The following MARK4 variants were observed in gnomAD, a reference collection of about 807,000 sequenced individuals.
MARK4 encodes the protein MAP/microtubule affinity-regulating kinase 4.
A neutral mutation model predicts 81.5 loss-of-function variants in MARK4; 19 were observed. The ratio of observed to expected loss-of-function variants is 0.23; its 90% CI spans 0.16 to 0.34. The LOEUF is 0.34. MARK4 is among the 10% of genes least tolerant of loss of function. MARK4 has a pLI of 1.00. For missense variants in MARK4, 772 were observed against 1,058.8 expected, an observed-to-expected ratio of 0.73 and a Z score of 3.76; for synonymous variants, 436 against 439.0, an observed-to-expected ratio of 0.99 and a Z score of 0.08.
intron 4 of MARK4, among the ~76,000 whole-genome samples, chr19:45,264,358 G>A (rs750362762): frequency 5.3e-5 from 8 of 151,964 alleles, no homozygotes; most frequent in Non-Finnish European, 1.0e-4. Context: ...AAAATTAGCC[G>A]GATATGGTGG....
chr19:45,255,897 G>C (rs78984627), intron 1 of MARK4, among the ~76,000 whole-genome samples: 13 of 152,102 alleles, frequency 8.5e-5, no homozygotes, highest in Non-Finnish European at 1.2e-4. Context: ...CTGAAAGGGA[G>C]ACAGTCCCTG....
At chr19:45,284,734 C>T (rs1404634936) in intron 12 of MARK4, among the ~76,000 whole-genome samples, 1 of 152,194 alleles carries the variant, frequency 6.6e-6, no homozygotes, top group African/African-American at 2.4e-5. Context: ...GGGTGGATCA[C>T]TTGAGCTCTC....
At chr19:45,294,307 G>A in intron 13 of MARK4, 42 bp from the exon 14 acceptor site, 1 of 1,579,496 alleles carries the variant, frequency 6.3e-7, no homozygotes, top group South Asian at 1.1e-5. Flanking sequence ...TCAGGGGCAT[G>A]TCTTCACCCC....
chr19:45,277,475 G>A (rs564363347), intron 8 of MARK4, among the ~76,000 whole-genome samples: 2 of 142,876 alleles, frequency 1.4e-5, no homozygotes, highest in African/African-American at 5.3e-5. Flanking sequence ...TGGTTGTTCA[G>A]GCTGGTCTTG....
At chr19:45,261,348 C>T (rs1599779664) in intron 2 of MARK4, among the ~76,000 whole-genome samples, 1 of 152,142 alleles carries the variant, frequency 6.6e-6, no homozygotes, top group African/African-American at 2.4e-5. Flanking sequence ...TTAAAGAAAG[C>T]TGTGTGATGA....
chr19:45,263,208 G>A (rs768732334), intron 3 of MARK4, 42 bp downstream of exon 3: 21 of 1,612,628 alleles, frequency 1.3e-5, no homozygotes, highest in South Asian at 4.4e-5. Context: ...CCAGGCTTCC[G>A]GCACAGCCGG....
In MARK4 at chr19:45,251,386, C is replaced by G. The variant is rs534322477; in HGVS notation, c.-203C>G. ...CCGCCCCCATGGCGCCCGGGGTCCC[C>G]GCTGCACGGGGCCACTAGGACCCTC... On this transcript the variant is annotated 5_prime_UTR_variant, in exon 1 of 17. Transcript: ENST00000262891. The G allele has an allele frequency of 8.6e-3, 2,479 of 287,932 alleles. 83 individuals are homozygous for G. The highest frequency in any genetic ancestry group is 0.053 in the African/African-American group (2,336 of 44,132). The allele number at this position is 287,932 out of a possible 1,614,324, so 17.8% of individuals were successfully genotyped here.
intron 12 of MARK4, among the ~76,000 whole-genome samples, chr19:45,281,878 C>A (rs1297450579): frequency 6.6e-6 from 1 of 152,078 alleles, no homozygotes; most frequent in African/African-American, 2.4e-5. Context: ...CTGATTATAC[C>A]CCACATTCTG....
intron 2 of MARK4, among the ~76,000 whole-genome samples, chr19:45,260,146 T>C (rs1369159596): frequency 6.6e-6 from 1 of 152,012 alleles, no homozygotes; most frequent in African/African-American, 2.4e-5. Context: ...TCCCAGCACT[T>C]TGGGAGGCCA....
At chr19:45,258,387 G>A (rs1270833384) in intron 1 of MARK4, among the ~76,000 whole-genome samples, 1 of 152,080 alleles carries the variant, frequency 6.6e-6, no homozygotes, top group African/African-American at 2.4e-5. Flanking sequence ...CCAAACTTGC[G>A]ATATCTCTGA....
chr19:45,295,736 G>A (rs749422645), intron 14 of MARK4, among the ~76,000 whole-genome samples: 3 of 152,066 alleles, frequency 2.0e-5, no homozygotes, highest in Non-Finnish European at 4.4e-5. Flanking sequence ...CTGGGATTGC[G>A]CCACTGTACT....
chr19:45,298,937 C>T (rs973181743), intron 15 of MARK4, among the ~76,000 whole-genome samples: 20 of 151,626 alleles, frequency 1.3e-4, no homozygotes, highest in Middle Eastern at 6.8e-3. Flanking sequence ...ATTGGCCGGG[C>T]GTGGTGACTG....
chr19:45,295,358 CAA>C (rs888838866), intron 14 of MARK4, among the ~76,000 whole-genome samples: 1 of 143,884 alleles, frequency 7.0e-6, no homozygotes, highest in South Asian at 2.2e-4. Flanking sequence ...GACTCCATCT[CAA>C]AAAAAAAAAG....
rs1970757388 is a variant in MARK4 at position 45,287,430 on chromosome 19, G to A, written c.1277-17G>A. ...TTCCGTGGTGATGCCAGCTCTAAAC[G>A]GTACCCCCTCCCCCAGGTGGCCCAT... On this transcript the variant is annotated splice_polypyrimidine_tract_variant and intron_variant, in intron 12 of 16. Transcript: ENST00000262891. 7.1e-6 allele frequency: 10 copies of A among 1,414,932 alleles called. No homozygotes were observed. Among genetic ancestry groups the A allele is most frequent in the South Asian group, 3.2e-5 (2 of 61,932 alleles). The allele number at this position is 1,414,932 out of a possible 1,614,324, so 87.6% of individuals were successfully genotyped here.
In MARK4 at chr19:45,297,819, G is replaced by T. The variant is rs1411050968; in HGVS notation, c.1742G>T (p.Gly581Val). Residue 581 changes from glycine (G) to valine (V), a missense_variant, in exon 15 of 17, where the codon GGT (glycine) becomes GTT (valine). Physicochemically the swap from Gly to Val is moderately radical, Grantham distance 109. Transcript: ENST00000262891. ...GGQVRDRRAG[G>V]GGGGGVQNGP... is the part of the protein sequence containing the mutation. ...CAGGTCCGGGACCGGCGGGCAGGGG[G>T]TGGGGGTGGTGGGGGTGTGCAGAAT... 4 of 1,540,092 alleles carry T rather than the reference G, an allele frequency of 2.6e-6. No homozygotes were observed. In the African/African-American group the frequency reaches 5.5e-5, roughly 21 times the overall value.
intron 2 of MARK4, among the ~76,000 whole-genome samples, chr19:45,262,607 T>A (rs1970394573): frequency 6.6e-6 from 1 of 152,182 alleles, no homozygotes; most frequent in Non-Finnish European, 1.5e-5. Flanking sequence ...CTCAGGCAGC[T>A]CTGGAGCAGC....
chr19:45,273,731 G>A (rs1048870423), intron 8 of MARK4, among the ~76,000 whole-genome samples: 6 of 152,242 alleles, frequency 3.9e-5, no homozygotes, highest in Non-Finnish European at 7.3e-5. Context: ...ATTGGGGCAG[G>A]AATTCTGCAG....
rs1970304307 is a variant in MARK4 at position 45,256,082 on chromosome 19, AAC to A, written c.52-2905_52-2904del. 2.0e-5 allele frequency among the ~76,000 whole-genome samples: 3 copies of A among 152,344 alleles called. No individual in the cohort carries two copies. In the East Asian group the frequency reaches 5.8e-4, roughly 29 times the overall value. ...GGGTGTTTCAGGGGGTGGCAGAAGC[AAC>A]AGTGTTTCCCATGGAAGGAGGATAA... On this transcript the variant is annotated intron_variant, in intron 1 of 16. Transcript: ENST00000262891.
At chr19:45,280,238 G>T in intron 10 of MARK4, 136 bp from the exon 11 acceptor site, 1 of 729,478 alleles carries the variant, frequency 1.4e-6, no homozygotes, top group Non-Finnish European at 2.4e-6. Flanking sequence ...GGAGGCCGAG[G>T]CTGCAGTGAG....
Sources: allele counts gnomAD v4.1 joint callset (sites outside exome capture counted in the v4.1 genomes callset), GRCh38; gene constraint gnomAD v4.1.1; transcripts MANE v1.5; gene names NCBI Gene and HGNC (gene_info 2026-07-23, HGNC 2026-07-21).